The following SUPT3H variants were observed in gnomAD, a reference collection of about 807,000 sequenced individuals.
SUPT3H encodes the protein SPT3 homolog, SAGA and STAGA complex component, also known as transcription initiation protein SPT3 homolog.
In SUPT3H, 44 loss-of-function variants were observed where a neutral mutation model predicts 44.3. The ratio of observed to expected loss-of-function variants is 0.99; its 90% CI spans 0.78 to 1.28. SUPT3H has a LOEUF of 1.28. SUPT3H is among the 50% of genes most tolerant of loss of function. SUPT3H has a pLI of 0.00. For missense variants in SUPT3H, 380 were observed against 387.1 expected (o/e 0.98, Z 0.15); for synonymous variants, 124 against 125.6 (o/e 0.99, Z 0.09).
chr6:45,287,394 T>C (rs1010600029), intron 2 of SUPT3H, among the ~76,000 whole-genome samples: 5 of 151,938 alleles, frequency 3.3e-5, no homozygotes, highest in African/African-American at 1.2e-4. Flanking sequence ...ATAAACAAAA[T>C]GCTGTATATC....
intron 10 of SUPT3H, among the ~76,000 whole-genome samples, chr6:44,907,251 G>A (rs971545183): frequency 7.2e-5 from 11 of 152,066 alleles, no homozygotes; most frequent in African/African-American, 2.7e-4. Flanking sequence ...CCTTTACGGG[G>A]GAATAATGTT....
At chr6:44,839,523 G>T (rs184397496) in intron 10 of SUPT3H, among the ~76,000 whole-genome samples, 21 of 151,848 alleles carry the variant, frequency 1.4e-4, no homozygotes, top group Non-Finnish European at 2.4e-4. Flanking sequence ...GCCCAGGCTG[G>T]TCTTGAACTC....
chr6:45,332,952 T>C (rs527460360), intron 2 of SUPT3H, among the ~76,000 whole-genome samples: 2 of 151,760 alleles, frequency 1.3e-5, no homozygotes, highest in African/African-American at 2.4e-5. Context: ...CCACTGAAGA[T>C]AGATAAAATT....
intron 4 of SUPT3H, among the ~76,000 whole-genome samples, chr6:45,020,191 T>C (rs1489158495): frequency 1.3e-5 from 2 of 151,948 alleles, no homozygotes; most frequent in Non-Finnish European, 2.9e-5. Context: ...GTAATGTTAA[T>C]CTGTAAGAAG....
chr6:45,191,626 G>A (rs2153619467), intron 2 of SUPT3H, among the ~76,000 whole-genome samples: 1 of 152,130 alleles, frequency 6.6e-6, no homozygotes, highest in Middle Eastern at 3.4e-3. Flanking sequence ...GAGGGTGGCA[G>A]GTAGGAACTC....
At chr6:44,922,040 C>T (rs577349300) in intron 10 of SUPT3H, among the ~76,000 whole-genome samples, 71 of 152,350 alleles carry the variant, frequency 4.7e-4, no homozygotes, top group Non-Finnish European at 6.9e-4. Context: ...GCTGCGAGTG[C>T]ACTCTAATCA....
At chr6:45,021,635 A>T (rs1159280289) in intron 3 of SUPT3H, among the ~76,000 whole-genome samples, 11 of 152,038 alleles carry the variant, frequency 7.2e-5, no homozygotes, top group Admixed American at 2.0e-4. Flanking sequence ...TTTAAAAGAT[A>T]AACCTAACAC....
At chr6:45,355,288 T>C (rs898269736) in intron 2 of SUPT3H, among the ~76,000 whole-genome samples, 2 of 152,052 alleles carry the variant, frequency 1.3e-5, no homozygotes, top group Non-Finnish European at 2.9e-5. Context: ...TTTAATTTAA[T>C]TTAATAATTA....
intron 2 of SUPT3H, among the ~76,000 whole-genome samples, chr6:45,161,692 A>C (rs897102048): frequency 5.3e-5 from 8 of 152,152 alleles, no homozygotes; most frequent in Non-Finnish European, 8.8e-5. Context: ...ACACACACAA[A>C]GCCTGTCTTG....
intron 2 of SUPT3H, among the ~76,000 whole-genome samples, chr6:45,178,638 G>A (rs1381863648): frequency 2.0e-5 from 3 of 151,952 alleles, no homozygotes; most frequent in Non-Finnish European, 2.9e-5. Flanking sequence ...CACCACACCT[G>A]TTCCAAAATT....
Position 44,829,879 on chromosome 6 carries a change from GC to G in SUPT3H, c.913-23del, listed in dbSNP as rs1305331561. 3.7e-6 allele frequency: 6 copies of G among 1,612,002 alleles called. No individual in the cohort carries two copies. In the Admixed American group the frequency reaches 1.0e-4, roughly 27 times the overall value. On this transcript the variant is annotated intron_variant, in intron 10 of 10. Transcript: ENST00000371459. ...CATTCTGTCAAAGAAAAAGAAATCT[GC>G]AATGAATTATCACATGAAGTCAAAC...
intron 2 of SUPT3H, among the ~76,000 whole-genome samples, chr6:45,180,321 C>G (rs1441480495): frequency 6.7e-6 from 1 of 148,398 alleles, no homozygotes; most frequent in Non-Finnish European, 1.5e-5. Context: ...CAATGCCATC[C>G]CCATCAAGCT....
At chr6:45,304,740 G>A (rs779319830) in intron 2 of SUPT3H, among the ~76,000 whole-genome samples, 4 of 31,132 alleles carry the variant, frequency 1.3e-4, no homozygotes, top group South Asian at 1.9e-3. Flanking sequence ...GCTTATCCTC[G>A]CAAAGTAACC....
At chr6:45,192,586 T>C (rs142058785) in intron 2 of SUPT3H, among the ~76,000 whole-genome samples, 2 of 152,282 alleles carry the variant, frequency 1.3e-5, no homozygotes, top group East Asian at 3.9e-4. Context: ...ATTAATAAGC[T>C]ATTTAAATAA....
chr6:45,002,030 G>A (rs1291666770), intron 6 of SUPT3H, among the ~76,000 whole-genome samples: 1 of 152,028 alleles, frequency 6.6e-6, no homozygotes, highest in African/African-American at 2.4e-5. Flanking sequence ...GGCCAGAGAA[G>A]ATTTTTGTTA....
chr6:45,071,415 C>T (rs1794364220), intron 3 of SUPT3H, among the ~76,000 whole-genome samples: 1 of 152,022 alleles, frequency 6.6e-6, no homozygotes, highest in Non-Finnish European at 1.5e-5. Flanking sequence ...CCCATGATAT[C>T]CATTAAAGAT....
At chr6:45,348,369 T>C (rs912045755) in intron 2 of SUPT3H, among the ~76,000 whole-genome samples, 2 of 151,762 alleles carry the variant, frequency 1.3e-5, no homozygotes, top group African/African-American at 2.4e-5. Context: ...ATTTTCTTAA[T>C]CTAAAATTTG....
intron 2 of SUPT3H, among the ~76,000 whole-genome samples, chr6:45,332,177 T>C (rs1787646746): frequency 6.6e-6 from 1 of 151,932 alleles, no homozygotes; most frequent in Non-Finnish European, 1.5e-5. Context: ...GTACTGAGGC[T>C]GAGTTAAGAC....
intron 2 of SUPT3H, among the ~76,000 whole-genome samples, chr6:45,359,541 A>G (rs528928352): frequency 6.6e-6 from 1 of 152,344 alleles, no homozygotes; most frequent in East Asian, 1.9e-4. Context: ...GTGAAAAAAC[A>G]CAAAAGTAGG....
Sources: gnomAD v4.1 joint callset for allele counts (sites outside exome capture counted in the v4.1 genomes callset) on GRCh38, gnomAD v4.1.1 for gene constraint, MANE v1.5 for transcripts, NCBI Gene and HGNC (gene_info 2026-07-23, HGNC 2026-07-21) for gene names.